Variants in IFFO2 observed in about 807,000 individuals in gnomAD.
The protein encoded by IFFO2 is intermediate filament family orphan 2.
In IFFO2, 19 loss-of-function variants were observed where a neutral mutation model predicts 53.5. The observed-to-expected ratio is 0.36, with a 90% CI of 0.25 to 0.52. The LOEUF (loss-of-function observed/expected upper bound fraction) is 0.52. Ranked by LOEUF, IFFO2 falls within the 20% of genes least tolerant of loss-of-function variation. IFFO2 has a pLI of 0.94. For missense variants in IFFO2, 570 were observed against 727.4 expected (o/e 0.78, Z 2.49); for synonymous variants, 303 against 313.6 (o/e 0.97, Z 0.36).
chr1:18,938,845 A>C (rs1936483056), intron 1 of IFFO2, among the ~76,000 whole-genome samples: 1 of 152,192 alleles, frequency 6.6e-6, no homozygotes, highest in South Asian at 2.1e-4. Flanking sequence ...GGCAGTAGGC[A>C]GTCTCCTCCT....
chr1:18,909,219 C>A (rs1027432805), intron 8 of IFFO2, among the ~76,000 whole-genome samples: 6 of 152,120 alleles, frequency 3.9e-5, no homozygotes, highest in African/African-American at 1.4e-4. Context: ...GATCTGGCCC[C>A]CACAGAGCTG....
Position 18,933,314 on chromosome 1 carries a change from A to G in IFFO2, c.666-12193T>C, listed in dbSNP as rs140715484. The stretch of plus-strand genomic sequence containing the variant: ...GGGCATCTTCCTCCGTCCATGAGTG[A>G]AGGGGCCCCATCCAAGTTGCCACTG... On this transcript the variant is annotated intron_variant, in intron 1 of 8. Coordinates refer to ENST00000455833, the MANE Select transcript of IFFO2 (RefSeq NM_001136265.2). Among the ~76,000 whole-genome samples the G allele has an allele frequency of 4.2e-3, 640 of 152,306 alleles. 6 individuals are homozygous for G. Among genetic ancestry groups the G allele is most frequent in the African/African-American group, 0.014 (597 of 41,548 alleles).
Position 18,905,150 on chromosome 1 carries a change from T to C in IFFO2, c.*3411A>G, listed in dbSNP as rs962326615. On this transcript the variant is annotated 3_prime_UTR_variant, in exon 9 of 9. Transcript: ENST00000455833. ...TTCCCCCACCCACCACATTTCTGAA[T>C]TTCCTGCAGCCCACCCACCCCCTCA... The C allele has an allele frequency of 2.0e-5, 3 of 151,082 alleles. No homozygotes were observed. The highest frequency in any genetic ancestry group is 4.4e-5 in the Non-Finnish European group (3 of 67,830). The allele number at this position is 151,082 out of a possible 1,614,324, so 9.4% of individuals were successfully genotyped here. A position where few individuals can be genotyped will look rare whatever the true frequency, so the allele number is the denominator to read the frequency against.
At chr1:18,927,721 G>A (rs1936323436) in intron 1 of IFFO2, among the ~76,000 whole-genome samples, 1 of 152,258 alleles carries the variant, frequency 6.6e-6, no homozygotes, top group South Asian at 2.1e-4. Context: ...GAGGCTGCAG[G>A]CACAGTGGTA....
At chr1:18,937,336 T>C (rs1207068530) in intron 1 of IFFO2, among the ~76,000 whole-genome samples, 2 of 152,198 alleles carry the variant, frequency 1.3e-5, no homozygotes, top group Non-Finnish European at 2.9e-5. Context: ...GTAATTAGAC[T>C]GCAAACACGC....
At chr1:18,941,875 A>G (rs1936526559) in intron 1 of IFFO2, among the ~76,000 whole-genome samples, 1 of 152,142 alleles carries the variant, frequency 6.6e-6, no homozygotes, top group Non-Finnish European at 1.5e-5. Context: ...TCATGTCCAC[A>G]TTCCATCAGG....
In IFFO2 at chr1:18,936,467, G is replaced by A. The variant is rs961345570; in HGVS notation, c.666-15346C>T. Among the ~76,000 whole-genome samples, 1 of 152,194 alleles carries A rather than the reference G, an allele frequency of 6.6e-6. No homozygotes were observed. The highest frequency in any genetic ancestry group is 1.5e-5 in the Non-Finnish European group (1 of 68,040). The stretch of plus-strand genomic sequence containing the variant: ...AGCCAGCAGGGGGTCTGGGCAGCAG[G>A]TCTTTGGGCACTCAGGTCAAGAGGC... On this transcript the variant is annotated intron_variant, in intron 1 of 8. Coordinates refer to ENST00000455833, the MANE Select transcript of IFFO2 (RefSeq NM_001136265.2). This position sits in a 1 kb window ranked among gnomAD's most constrained non-coding sequence, Gnocchi z 4.5.
Position 18,910,801 on chromosome 1 carries a change from G to T in IFFO2, c.1318-329C>A, listed in dbSNP as rs77088321. On this transcript the variant is annotated intron_variant, in intron 7 of 8. Coordinates refer to ENST00000455833, the MANE Select transcript of IFFO2 (RefSeq NM_001136265.2). ...AGACCTGATTACAAAAATCCTGAAG[G>T]CTTTTTCATGTTTCTGACTCTTGTC... Among the ~76,000 whole-genome samples the T allele has an allele frequency of 9.5e-3, 1,450 of 152,314 alleles. 25 individuals carry two copies. Among genetic ancestry groups the T allele is most frequent in the East Asian group, 0.064 (331 of 5,178 alleles).
At chr1:18,941,015 A>G (rs1936514110) in intron 1 of IFFO2, among the ~76,000 whole-genome samples, 2 of 152,178 alleles carry the variant, frequency 1.3e-5, no homozygotes, top group Admixed American at 1.3e-4. Flanking sequence ...TGATCTTGGA[A>G]GCCAAAGAGA....
chr1:18,921,691 C>T (rs539441825), intron 1 of IFFO2, among the ~76,000 whole-genome samples: 2 of 152,294 alleles, frequency 1.3e-5, no homozygotes. Context: ...AACCCAAAGA[C>T]ACACAGCGAG....
In IFFO2 at chr1:18,910,427, C is replaced by T. The variant is rs1274576588; in HGVS notation, c.1363G>A (p.Glu455Lys). Residue 455 changes from glutamate to lysine, a missense_variant, in exon 8 of 9, where the codon GAG (glutamate) becomes AAG (lysine). By Grantham distance (56) the Glu-to-Lys change is moderately conservative (BLOSUM62 1). Coordinates refer to ENST00000455833, the MANE Select transcript of IFFO2 (RefSeq NM_001136265.2). ...AKSDMNRHLHEYMEMCSMKRG... is the reference protein window; with the variant it reads ...AKSDMNRHLHKYMEMCSMKRG... The stretch of plus-strand genomic sequence containing the variant: ...TTCATGCTGCACATCTCCATGTACT[C>T]GTGCAGGTGTCGGTTCATGTCACTT... The T allele has an allele frequency of 1.2e-6, 2 of 1,613,972 alleles. No individual in the cohort carries two copies. Among genetic ancestry groups the T allele is most frequent in the Middle Eastern group, 1.6e-4 (1 of 6,062 alleles).
intron 1 of IFFO2, among the ~76,000 whole-genome samples, chr1:18,927,937 T>C (rs1936325524): frequency 6.6e-6 from 1 of 152,146 alleles, no homozygotes; most frequent in South Asian, 2.1e-4. Flanking sequence ...AGACAATTCA[T>C]ATTTAAGGCA....
At chr1:18,909,237 C>T (rs1463355020) in intron 8 of IFFO2, among the ~76,000 whole-genome samples, 1 of 152,170 alleles carries the variant, frequency 6.6e-6, no homozygotes, top group Non-Finnish European at 1.5e-5. Context: ...CTGTCCCTCC[C>T]TCTCGTACAG....
chr1:18,955,682 G>T lies in IFFO2; in HGVS notation c.651C>A (p.Asp217Glu). 6.3e-7 allele frequency: 1 copy of T among 1,587,082 alleles called. No individual in the cohort carries two copies. Among genetic ancestry groups the T allele is most frequent in the Non-Finnish European group, 8.5e-7 (1 of 1,170,240 alleles). Residue 217 changes from aspartate to glutamate, a missense_variant, in exon 1 of 9, where the codon GAC (aspartate) becomes GAA (glutamate). Transcript: ENST00000455833. ...CGGCCACTCACCTCCGCTTATACTC[G>T]TCGCGCTCGCGCTTCACCTTGGCCA... The part of the protein sequence containing the change: ...NVLAKVKRER[D>E]EYKRRWEEEL...
rs145789476 is a variant in IFFO2 at position 18,921,048 on chromosome 1, G to C, written c.726+13C>G. On this transcript the variant is annotated intron_variant, in intron 2 of 8. Coordinates refer to ENST00000455833, the MANE Select transcript of IFFO2 (RefSeq NM_001136265.2). ...GCGTGCCTCTCCTGGTCGGGATATC[G>C]GAGGGCTCTTACCTCCTGCAGCGTG... The C allele has an allele frequency of 1.3e-6, 2 of 1,551,512 alleles. No individual in the cohort carries two copies. Among genetic ancestry groups the C allele is most frequent in the Non-Finnish European group, 1.7e-6 (2 of 1,146,664 alleles).
At chr1:18,949,132 T>A (rs1936626347) in intron 1 of IFFO2, among the ~76,000 whole-genome samples, 1 of 152,246 alleles carries the variant, frequency 6.6e-6, no homozygotes, top group African/African-American at 2.4e-5. Context: ...GCCGAATCCC[T>A]GGACGTGGTC....
Position 18,911,447 on chromosome 1 carries a change from A to G in IFFO2, c.1254T>C (p.His418=), listed in dbSNP as rs890551955. Residue 418 remains histidine (H), a synonymous_variant, in exon 7 of 9, where the codon CAT becomes CAC. Coordinates refer to ENST00000455833, the MANE Select transcript of IFFO2 (RefSeq NM_001136265.2). ...EQEENLGNLI[H]ETESFFKTRD... The stretch of plus-strand genomic sequence containing the variant: ...TCGTCTTGAAGAAGGATTCGGTCTC[A>G]TGGATCAAGTTGCCCAAGTTTTCCT... The G allele has an allele frequency of 1.3e-6, 2 of 1,515,258 alleles. No individual in the cohort carries two copies. Among genetic ancestry groups the G allele is most frequent in the Non-Finnish European group, 8.8e-7 (1 of 1,131,032 alleles). 93.9% of individuals were successfully genotyped at this position (1,515,258 alleles called of 1,614,324 possible). A position where few individuals can be genotyped will look rare whatever the true frequency, so the allele number is the denominator to read the frequency against.
intron 1 of IFFO2, among the ~76,000 whole-genome samples, chr1:18,945,936 G>A (rs1936582047): frequency 6.6e-6 from 1 of 152,242 alleles, no homozygotes. Context: ...ACAGGCAGCA[G>A]AAATAAACCC....
intron 2 of IFFO2, among the ~76,000 whole-genome samples, chr1:18,920,300 C>G (rs1327731814): frequency 6.6e-6 from 1 of 152,176 alleles, no homozygotes; most frequent in Non-Finnish European, 1.5e-5. Context: ...AAGAAAAAAG[C>G]CCTTTCATTA....
Sources: allele counts gnomAD v4.1 joint callset (sites outside exome capture counted in the v4.1 genomes callset), GRCh38; gene constraint gnomAD v4.1.1; non-coding constraint Gnocchi (gnomAD v3.1); transcripts MANE v1.5; gene names NCBI Gene and HGNC (gene_info 2026-07-23, HGNC 2026-07-21).